Variants in STK3 observed in about 807,000 individuals in gnomAD.
STK3 encodes serine/threonine kinase 3, also known as serine/threonine-protein kinase 3.
In STK3, 41 loss-of-function variants were observed where a neutral mutation model predicts 58.0. The ratio of observed to expected loss-of-function variants is 0.71; its 90% CI spans 0.55 to 0.92. STK3 has a LOEUF of 0.92. STK3 is among the 40% of genes least tolerant of loss of function. STK3 has a pLI of 0.00. For synonymous variants in STK3, 170 were observed against 191.0 expected (o/e 0.89, Z 0.91); for missense variants, 479 against 602.7 (o/e 0.79, Z 2.15).
chr8:98,698,835 A>G (rs1490093934), intron 6 of STK3, among the ~76,000 whole-genome samples: 2 of 151,776 alleles, frequency 1.3e-5, no homozygotes, highest in Non-Finnish European at 2.9e-5. Flanking sequence ...TCTGACAATT[A>G]TGTGTCTTGG....
At chr8:98,716,345 A>G (rs1288555713) in intron 4 of STK3, among the ~76,000 whole-genome samples, 1 of 152,110 alleles carries the variant, frequency 6.6e-6, no homozygotes, top group East Asian at 1.9e-4. Flanking sequence ...ACCCAAGAAA[A>G]TCAGATATAT....
chr8:98,598,991 AAT>A, intron 6 of STK3: 1 of 713,344 alleles, frequency 1.4e-6, no homozygotes, highest in Non-Finnish European at 1.7e-6. Context: ...AAGGGCTGAA[AAT>A]GAGAATCAAC....
rs896368247 is a variant in STK3 at position 98,800,488 on chromosome 8, C to G, written c.26+25027G>C. On this transcript the variant is annotated intron_variant, in intron 1 of 10. Coordinates refer to ENST00000419617, the MANE Select transcript of STK3 (RefSeq NM_006281.4). The surrounding 1 kb of genome is among the most constrained non-coding windows in gnomAD (Gnocchi z 4.8). The stretch of plus-strand genomic sequence containing the variant: ...TCGGCCTCGGTGTCCACTCTGGCCA[C>G]GCTTGAGGAGCCCTTCAGCCTGCCG... Among the ~76,000 whole-genome samples the G allele has an allele frequency of 1.3e-5, 2 of 152,248 alleles. No individual in the cohort carries two copies. Among genetic ancestry groups the G allele is most frequent in the Non-Finnish European group, 2.9e-5 (2 of 68,044 alleles).
At chr8:98,604,195 A>T (rs2130099661) in intron 6 of STK3, among the ~76,000 whole-genome samples, 1 of 152,358 alleles carries the variant, frequency 6.6e-6, no homozygotes. Context: ...ACTCCAGGAT[A>T]AAAAAGCTTC....
chr8:98,536,949 G>GT (rs1194157318), intron 9 of STK3, among the ~76,000 whole-genome samples: 3 of 151,996 alleles, frequency 2.0e-5, no homozygotes, highest in South Asian at 2.1e-4. Flanking sequence ...AGTTTTAAAG[G>GT]TTTTTTTACA....
chr8:98,497,545 T>C (rs1259472826), intron 10 of STK3, among the ~76,000 whole-genome samples: 2 of 152,108 alleles, frequency 1.3e-5, no homozygotes, highest in African/African-American at 4.8e-5. Flanking sequence ...AAATAAAATA[T>C]CTGATAAGGA....
chr8:98,614,135 T>C (rs113522132), intron 6 of STK3, among the ~76,000 whole-genome samples: 67 of 152,074 alleles, frequency 4.4e-4, no homozygotes, highest in African/African-American at 1.5e-3. Context: ...ATAAAACAAA[T>C]AGACAGAAAA....
chr8:98,877,553 G>A (rs1041479923), intron 3 of STK3, among the ~76,000 whole-genome samples: 4 of 151,596 alleles, frequency 2.6e-5, no homozygotes, highest in South Asian at 2.1e-4. Flanking sequence ...GCATGATCTC[G>A]GCTCACCACA....
intron 1 of STK3, among the ~76,000 whole-genome samples, chr8:98,785,804 C>T (rs549611079): frequency 1.6e-3 from 248 of 152,242 alleles, no homozygotes; most frequent in Non-Finnish European, 2.8e-3. Flanking sequence ...TTTCCACTCA[C>T]AACCCCTAAG....
chr8:98,473,094 G>T (rs1457661136), intron 10 of STK3, among the ~76,000 whole-genome samples: 1 of 152,112 alleles, frequency 6.6e-6, no homozygotes, highest in Non-Finnish European at 1.5e-5. Context: ...CACAGCAGAT[G>T]AAGAACATTT....
chr8:98,769,999 G>C (rs778780924), intron 2 of STK3, among the ~76,000 whole-genome samples: 4 of 152,158 alleles, frequency 2.6e-5, no homozygotes, highest in Non-Finnish European at 5.9e-5. Context: ...CACCAGGTCT[G>C]TTATGTTAAA....
At chr8:98,783,257 G>A (rs534615846) in intron 1 of STK3, among the ~76,000 whole-genome samples, 234 of 152,190 alleles carry the variant, frequency 1.5e-3, no homozygotes, top group African/African-American at 4.8e-3. Flanking sequence ...AGTCTATTAT[G>A]TGTACAATAG....
At chr8:98,568,972 G>A (rs1464168018) in intron 8 of STK3, among the ~76,000 whole-genome samples, 6 of 152,038 alleles carry the variant, frequency 3.9e-5, no homozygotes, top group Non-Finnish European at 8.8e-5. Context: ...ACGATGAATG[G>A]GGAAAAGATG....
chr8:98,828,590 AAAAGAAAG>A (rs374741027), upstream of STK3, among the ~76,000 whole-genome samples: 1 of 151,968 alleles, frequency 6.6e-6, no homozygotes, highest in Non-Finnish European at 1.5e-5. Context: ...CAAAAGAAAG[AAAAGAAAG>A]AAAGAAAGAG....
At chr8:98,679,023 T>C (rs987545781) in intron 6 of STK3, among the ~76,000 whole-genome samples, 7 of 152,176 alleles carry the variant, frequency 4.6e-5, no homozygotes, top group African/African-American at 1.7e-4. Flanking sequence ...ACCTAATCCA[T>C]CAGCAAATCC....
intron 10 of STK3, among the ~76,000 whole-genome samples, chr8:98,515,455 G>A (rs1037325311): frequency 1.3e-5 from 2 of 152,002 alleles, no homozygotes; most frequent in African/African-American, 4.8e-5. Flanking sequence ...CCCGCACCTC[G>A]GCCTGCTCCA....
intron 6 of STK3, among the ~76,000 whole-genome samples, chr8:98,659,348 C>T (rs1207062131): frequency 6.6e-6 from 1 of 151,952 alleles, no homozygotes; most frequent in Non-Finnish European, 1.5e-5. Context: ...GACTTAATAA[C>T]ACCTTACATA....
At chr8:98,698,260 T>C (rs936519738) in intron 6 of STK3, among the ~76,000 whole-genome samples, 3 of 151,626 alleles carry the variant, frequency 2.0e-5, no homozygotes, top group Non-Finnish European at 4.4e-5. Context: ...TGTGTGTCTC[T>C]GCACGTGAGA....
At chr8:98,915,442 A>AG (rs1839310110) in intron 1 of STK3, among the ~76,000 whole-genome samples, 1 of 36,270 alleles carries the variant, frequency 2.8e-5, no homozygotes. Flanking sequence ...CTATATATAT[A>AG]TATATATATA....
Sources: allele counts gnomAD v4.1 joint callset (sites outside exome capture counted in the v4.1 genomes callset), GRCh38; gene constraint gnomAD v4.1.1; non-coding constraint Gnocchi (gnomAD v3.1); transcripts MANE v1.5; gene names NCBI Gene and HGNC (gene_info 2026-07-23, HGNC 2026-07-21).